Variants in SNW1 observed in about 807,000 individuals in gnomAD.
SNW1 encodes the protein SNW domain-containing protein 1.
In SNW1, 9 loss-of-function variants were observed where a neutral mutation model predicts 75.6. The ratio of observed to expected loss-of-function variants is 0.12; its 90% CI spans 0.07 to 0.21. The LOEUF is 0.21. SNW1 is among the 10% of genes least tolerant of loss of function. The probability of loss-of-function intolerance (pLI) is 1.00; values close to 1 mark genes in which losing one functional copy is unlikely to be tolerated. For synonymous variants in SNW1, 200 were observed against 219.1 expected (o/e 0.91, Z 0.77); for missense variants, 409 against 670.9 (o/e 0.61, Z 4.31).
In SNW1 at chr14:77,751,389, G is replaced by A. The variant is rs1429307681; in HGVS notation, c.260C>T (p.Ala87Val). 6.2e-7 allele frequency: 1 copy of A among 1,613,460 alleles called. No homozygotes were observed. Among genetic ancestry groups the A allele is most frequent in the Non-Finnish European group, 8.5e-7 (1 of 1,179,728 alleles). Residue 87 changes from alanine to valine, a missense_variant, in exon 3 of 14, where the codon GCC (alanine) becomes GTC (valine). Around this residue, in one of 9 missense-constraint regions of SNW1, gnomAD observed 60 missense variants for 62.6 expected, o/e 0.96. Transcript: ENST00000261531. ...GRKKKMSNAL[A>V]IQVDSEGKIK... The stretch of plus-strand genomic sequence containing the variant: ...TTTTCCTTCAGAATCCACCTGAATG[G>A]CCAGCGCATTCGACATTTTTTTCTT...
At chr14:77,731,329 A>C (rs1314668782) in intron 9 of SNW1, among the ~76,000 whole-genome samples, 200 bp from the exon 10 acceptor site, 1 of 152,254 alleles carries the variant, frequency 6.6e-6, no homozygotes, top group Admixed American at 6.5e-5. Context: ...TTCTCTGGGA[A>C]TATTTTAGTG....
chr14:77,755,697 G>A (rs1445352391), intron 1 of SNW1, among the ~76,000 whole-genome samples: 4 of 151,566 alleles, frequency 2.6e-5, no homozygotes, highest in South Asian at 2.1e-4. Flanking sequence ...AATTACAGAC[G>A]TGTGCCACCA....
chr14:77,751,292 C>A, intron 3 of SNW1, 27 bp downstream of exon 3: 2 of 1,575,636 alleles, frequency 1.3e-6, no homozygotes, highest in Non-Finnish European at 1.7e-6. Flanking sequence ...AAATATTTAT[C>A]ATTCAGGGAA....
intron 3 of SNW1, among the ~76,000 whole-genome samples, chr14:77,741,677 T>A (rs1417638149): frequency 6.6e-6 from 1 of 152,080 alleles, no homozygotes; most frequent in African/African-American, 2.4e-5. Flanking sequence ...ACCTCAAAAG[T>A]CTTATTTCCT....
At chr14:77,734,492 C>CA (rs1475182560) in intron 8 of SNW1, among the ~76,000 whole-genome samples, 1 of 152,210 alleles carries the variant, frequency 6.6e-6, no homozygotes, top group East Asian at 1.9e-4. Flanking sequence ...GCAATCTAAG[C>CA]CCTTTGGGTG....
chr14:77,758,914 T>C (rs28478547), intron 1 of SNW1, among the ~76,000 whole-genome samples: 1,579 of 152,346 alleles, frequency 0.01, 34 homozygotes, highest in African/African-American at 0.036. Flanking sequence ...TACCTGGAGA[T>C]ACTGTCAGAT....
chr14:77,738,309 A>G (rs1334768343), intron 5 of SNW1, among the ~76,000 whole-genome samples: 1 of 151,214 alleles, frequency 6.6e-6, no homozygotes, highest in Non-Finnish European at 1.5e-5. Flanking sequence ...CCCCACCCCA[A>G]AAAAAAGCAT....
At position 77,731,028 on chromosome 14, in the gene SNW1, G is replaced by A; in HGVS notation, c.993C>T (p.Ala331=). 1.9e-6 allele frequency: 3 copies of A among 1,613,956 alleles called. No individual in the cohort carries two copies. The highest frequency in any genetic ancestry group is 2.5e-6 in the Non-Finnish European group (3 of 1,179,974). The change falls in exon 10 of 14, where the codon GCC becomes GCT. Residue 331 remains alanine (A), a synonymous_variant. Transcript: ENST00000261531. The part of the protein sequence containing the change: ...EEKLREMAQK[A]RERRAGIKTH... ...TTTTGATCCCAGCTCTTCTCTCCCT[G>A]GCTTTCTGGGCCATTTCTCTAAGTT...
chr14:77,739,544 A>C (rs548833210), intron 3 of SNW1, among the ~76,000 whole-genome samples: 40 of 152,234 alleles, frequency 2.6e-4, no homozygotes, highest in Non-Finnish European at 4.3e-4. Context: ...CTCTATTCAC[A>C]GACTAAGAAA....
chr14:77,722,456 T>A (rs1412288633), intron 11 of SNW1: 1 of 452,536 alleles, frequency 2.2e-6, no homozygotes, highest in South Asian at 1.6e-5. Flanking sequence ...TGCAGTACTA[T>A]GCATATAAAA....
chr14:77,739,857 G>A (rs556499489), intron 3 of SNW1, among the ~76,000 whole-genome samples: 3 of 152,020 alleles, frequency 2.0e-5, no homozygotes, highest in East Asian at 3.9e-4. Flanking sequence ...CAGAGGGGCC[G>A]GGCGCGGTGG....
chr14:77,731,666 T>G (rs945032952), intron 9 of SNW1, among the ~76,000 whole-genome samples: 2 of 152,256 alleles, frequency 1.3e-5, no homozygotes, highest in Admixed American at 6.5e-5. Flanking sequence ...AAAAGACATT[T>G]TTTTTATGTT....
Position 77,751,401 on chromosome 14 carries a change from G to A in SNW1, c.248C>T (p.Ser83Leu), listed in dbSNP as rs774992960. 9.3e-6 allele frequency: 15 copies of A among 1,613,424 alleles called. No homozygotes were observed. The highest frequency in any genetic ancestry group is 3.3e-5 in the Admixed American group (2 of 59,928). Residue 83 changes from serine (S) to leucine (L), a missense_variant, in exon 3 of 14, where the codon TCG (serine) becomes TTG (leucine). Around this residue, in one of 9 missense-constraint regions of SNW1, gnomAD observed 60 missense variants for 62.6 expected, o/e 0.96. Transcript: ENST00000261531. ...PLDMGRKKKM[S>L]NALAIQVDSE... ...ATCCACCTGAATGGCCAGCGCATTC[G>A]ACATTTTTTTCTTTCGTCCCATATC...
chr14:77,750,323 T>C (rs1049811079), intron 3 of SNW1, among the ~76,000 whole-genome samples: 37 of 152,270 alleles, frequency 2.4e-4, no homozygotes, highest in African/African-American at 8.2e-4. Flanking sequence ...AAATTGACAA[T>C]TGTCTTCCAA....
rs770054577 is a variant in SNW1, at chr14:77,751,356, T to G, written c.293A>C (p.Tyr98Ser). ...IQVDSEGKIK[Y>S]DAIARQGQSK... ...CTGTCCTTGTCGAGCAATTGCATCATATTTAATTTTTCCTTCAGAATCCAC... is the reference window on the plus strand; with the variant it reads ...CTGTCCTTGTCGAGCAATTGCATCAGATTTAATTTTTCCTTCAGAATCCAC... Residue 98 changes from tyrosine to serine, a missense_variant, in exon 3 of 14, where the codon TAT becomes TCT. Physicochemically the swap from Tyr to Ser is moderately radical, Grantham distance 144. Around this residue, in one of 9 missense-constraint regions of SNW1, gnomAD observed 60 missense variants for 62.6 expected, o/e 0.96. Coordinates refer to ENST00000261531, the MANE Select transcript of SNW1 (RefSeq NM_012245.3). 4 of 1,613,850 alleles carry G rather than the reference T, an allele frequency of 2.5e-6. No homozygotes were observed. The highest frequency in any genetic ancestry group is 1.7e-6 in the Non-Finnish European group (2 of 1,179,888).
At chr14:77,747,793 TG>T (rs1442433837) in intron 3 of SNW1, among the ~76,000 whole-genome samples, 2 of 143,758 alleles carry the variant, frequency 1.4e-5, no homozygotes, top group African/African-American at 5.2e-5. Flanking sequence ...GTCCGGGAGG[TG>T]GGGGGCGCCT....
At position 77,730,999 on chromosome 14, in the gene SNW1, T is replaced by C. The variant is rs1443456296; in HGVS notation, c.1022A>G (p.His341Arg). 2 of 1,612,544 alleles carry C rather than the reference T, an allele frequency of 1.2e-6. No homozygotes were observed. The highest frequency in any genetic ancestry group is 3.3e-5 in the Admixed American group (2 of 59,820). Residue 341 changes from histidine (H) to arginine (R), a missense_variant, in exon 10 of 14, where the codon CAT becomes CGT. Physicochemically the swap from His to Arg is conservative, Grantham distance 29. Transcript: ENST00000261531. ...TGAGAATGTCATACCTTTTTCCACA[T>C]GAGTTTTGATCCCAGCTCTTCTCTC... ...ARERRAGIKT[H>R]VEKEDGEARE... is the part of the protein sequence containing the mutation.
chr14:77,747,042 G>A (rs932540366), intron 3 of SNW1, among the ~76,000 whole-genome samples: 10 of 151,674 alleles, frequency 6.6e-5, no homozygotes, highest in Admixed American at 2.0e-4. Context: ...TCAGCCTGCC[G>A]AGTGCCTGGG....
At chr14:77,759,132 T>C (rs1195404667) in intron 1 of SNW1, among the ~76,000 whole-genome samples, 2 of 145,164 alleles carry the variant, frequency 1.4e-5, no homozygotes, top group South Asian at 2.4e-4. Flanking sequence ...GAACACCAGA[T>C]GGTAGGTATG....
Sources: allele counts gnomAD v4.1 joint callset (sites outside exome capture counted in the v4.1 genomes callset), GRCh38; gene constraint gnomAD v4.1.1; regional missense constraint gnomAD v4.1.1; transcripts MANE v1.5; gene names NCBI Gene and HGNC (gene_info 2026-07-23, HGNC 2026-07-21).